COLEC12: variants seen among roughly 807,000 people sequenced by gnomAD.
COLEC12 encodes collectin subfamily member 12, also known as collectin-12.
A neutral mutation model predicts 71.1 loss-of-function variants in COLEC12; 33 were observed. That is an observed-to-expected ratio of 0.46 (90% CI 0.35 to 0.62). COLEC12 has a LOEUF of 0.62. COLEC12 is among the 20% of genes least tolerant of loss of function. The pLI, the probability that COLEC12 is intolerant of heterozygous loss-of-function variation, is 0.00. For missense variants in COLEC12, 765 were observed against 916.1 expected, an observed-to-expected ratio of 0.84 and a Z score of 2.13; for synonymous variants, 350 against 353.0, an observed-to-expected ratio of 0.99 and a Z score of 0.10.
At chr18:396,361 C>A (rs1915571731) in intron 2 of COLEC12, among the ~76,000 whole-genome samples, 1 of 152,236 alleles carries the variant, frequency 6.6e-6, no homozygotes, top group South Asian at 2.1e-4. Flanking sequence ...AACATTTTCA[C>A]ATCAGCTCCT....
chr18:432,765 A>AC (rs1364564946), intron 2 of COLEC12, among the ~76,000 whole-genome samples: 1 of 151,974 alleles, frequency 6.6e-6, no homozygotes, highest in Non-Finnish European at 1.5e-5. Context: ...CCTTCCTTGC[A>AC]CCCCTTCACA....
intron 2 of COLEC12, among the ~76,000 whole-genome samples, chr18:381,397 T>C (rs967063080): frequency 7.2e-5 from 11 of 152,232 alleles, no homozygotes; most frequent in African/African-American, 2.4e-4. Flanking sequence ...TTACCATGAT[T>C]TGATCATTAT....
chr18:445,893 A>C (rs754008732), intron 2 of COLEC12, among the ~76,000 whole-genome samples: 5 of 152,052 alleles, frequency 3.3e-5, no homozygotes, highest in Non-Finnish European at 5.9e-5. Flanking sequence ...CAGCCTCCCA[A>C]AGTGTAGGGA....
intron 3 of COLEC12, among the ~76,000 whole-genome samples, chr18:356,732 C>T (rs529029775): frequency 1.3e-5 from 2 of 152,290 alleles, no homozygotes; most frequent in Admixed American, 1.3e-4. Context: ...CACCTTCTAC[C>T]TATGGTCTCT....
chr18:496,982 T>C (rs753539600), intron 1 of COLEC12, among the ~76,000 whole-genome samples: 37 of 152,246 alleles, frequency 2.4e-4, no homozygotes, highest in Non-Finnish European at 4.8e-4. Flanking sequence ...ATTGATGGTG[T>C]AGTACAGCTA....
Position 335,031 on chromosome 18 carries a change from G to A in COLEC12, c.1527C>T (p.Gly509=), listed in dbSNP as rs1914083833. 14 of 1,593,024 alleles carry A rather than the reference G, an allele frequency of 8.8e-6. No individual in the cohort carries two copies. The highest frequency in any genetic ancestry group is 1.2e-5 in the Non-Finnish European group (14 of 1,173,090). Residue 509 remains glycine, a synonymous_variant, in exon 6 of 10, where the codon GGC becomes GGT. Coordinates refer to ENST00000400256, the MANE Select transcript of COLEC12 (RefSeq NM_130386.3). The part of the protein sequence containing the change: ...KGSKGSQGPK[G]SRGSPGKPGP... Reference sequence around the variant, plus strand: ...CGGGCTTCCCAGGGGAACCACGGGAGCCTTTGGGGCCCTGGGAGCCTTTAG... The same window carrying A: ...CGGGCTTCCCAGGGGAACCACGGGAACCTTTGGGGCCCTGGGAGCCTTTAG...
chr18:331,005 G>A (rs182550022), intron 8 of COLEC12, among the ~76,000 whole-genome samples: 6 of 150,958 alleles, frequency 4.0e-5, no homozygotes, highest in Admixed American at 1.3e-4. Context: ...TCAGCCTCCC[G>A]AGTAGCTGGC....
Position 480,847 on chromosome 18 carries a change from G to T in COLEC12, c.8-90C>A. The T allele has an allele frequency of 9.3e-7, 1 of 1,080,214 alleles. No individual in the cohort carries two copies. The highest frequency in any genetic ancestry group is 1.4e-6 in the Non-Finnish European group (1 of 693,486). 66.9% of individuals were successfully genotyped at this position (1,080,214 alleles called of 1,614,324 possible). A position where few individuals can be genotyped will look rare whatever the true frequency, so the allele number is the denominator to read the frequency against. Reference sequence around the variant, plus strand: ...GGATGCGACCTGCTTCATCGCCCCTGCTTGTCACAGCAGCTTTCCTTCTGC... The same window carrying T: ...GGATGCGACCTGCTTCATCGCCCCTTCTTGTCACAGCAGCTTTCCTTCTGC... On this transcript the variant is annotated intron_variant, in intron 1 of 9. Coordinates refer to ENST00000400256, the MANE Select transcript of COLEC12 (RefSeq NM_130386.3). The surrounding 1 kb of genome is among the most constrained non-coding windows in gnomAD (Gnocchi z 4.1).
At chr18:380,676 T>C (rs1283182637) in intron 2 of COLEC12, among the ~76,000 whole-genome samples, 2 of 152,150 alleles carry the variant, frequency 1.3e-5, no homozygotes, top group African/African-American at 4.8e-5. Flanking sequence ...GGTGGGCCCC[T>C]GCCATGAAGT....
At chr18:356,967 G>T (rs1023579416) in intron 3 of COLEC12, among the ~76,000 whole-genome samples, 1 of 152,160 alleles carries the variant, frequency 6.6e-6, no homozygotes, top group East Asian at 1.9e-4. Flanking sequence ...GAATTAGTTG[G>T]CCGATCCCTG....
chr18:320,511 A>G (rs1913677806), intron 9 of COLEC12, among the ~76,000 whole-genome samples: 1 of 152,212 alleles, frequency 6.6e-6, no homozygotes, highest in African/African-American at 2.4e-5. Context: ...AATACGGATA[A>G]TTTATGCCCC....
intron 2 of COLEC12, among the ~76,000 whole-genome samples, chr18:398,470 T>C (rs1567896110): frequency 6.6e-6 from 1 of 152,190 alleles, no homozygotes; most frequent in Non-Finnish European, 1.5e-5. Flanking sequence ...GGCAAGGATT[T>C]TCTGGAGCTG....
intron 1 of COLEC12, among the ~76,000 whole-genome samples, chr18:486,342 G>A (rs1461083254): frequency 6.6e-6 from 1 of 152,082 alleles, no homozygotes; most frequent in African/African-American, 2.4e-5. Flanking sequence ...GCGCCATTAT[G>A]CCTGCCTAAT....
rs149841316 is a variant in COLEC12 at position 382,368 on chromosome 18, C to T, written c.59-24846G>A. Among the ~76,000 whole-genome samples, 334 of 152,272 alleles carry T rather than the reference C, an allele frequency of 2.2e-3. 2 individuals are homozygous for T. The highest frequency in any genetic ancestry group is 7.6e-3 in the African/African-American group (316 of 41,548). On this transcript the variant is annotated intron_variant, in intron 2 of 9. Coordinates refer to ENST00000400256, the MANE Select transcript of COLEC12 (RefSeq NM_130386.3). ...TTAGCTTCACAGATATGTGGTCTTA[C>T]TACTTTATATAGTAAATTTACTTGT...
intron 2 of COLEC12, among the ~76,000 whole-genome samples, chr18:473,179 G>C (rs1405915485): frequency 6.6e-6 from 1 of 151,940 alleles, no homozygotes; most frequent in African/African-American, 2.4e-5. Flanking sequence ...TTGCTTCCTG[G>C]GCACCACCTC....
Position 428,896 on chromosome 18 carries a change from C to T in COLEC12, c.58+51811G>A, listed in dbSNP as rs150248466. 1.8e-3 allele frequency among the ~76,000 whole-genome samples: 279 copies of T among 152,264 alleles called. 3 individuals carry two copies. The highest frequency in any genetic ancestry group is 2.5e-3 in the Non-Finnish European group (171 of 68,014). ...AACAAATCTAGCATTTACTAAGGAACACAAACACCGTAAAGGGGCTTTTAT... is the reference window on the plus strand; with the variant it reads ...AACAAATCTAGCATTTACTAAGGAATACAAACACCGTAAAGGGGCTTTTAT... On this transcript the variant is annotated intron_variant, in intron 2 of 9. Transcript: ENST00000400256.
chr18:442,645 C>A (rs914619964), intron 2 of COLEC12, among the ~76,000 whole-genome samples: 2 of 152,236 alleles, frequency 1.3e-5, no homozygotes, highest in African/African-American at 2.4e-5. Flanking sequence ...CTCTTCTGCA[C>A]AATCCTACAG....
At position 335,125 on chromosome 18, in the gene COLEC12, G is replaced by T. The variant is rs1473256816; in HGVS notation, c.1433C>A (p.Pro478His). The change falls in exon 6 of 10, where the codon CCT (proline) becomes CAT (histidine). Residue 478 changes from proline to histidine, a missense_variant. Pro to His is a moderately conservative substitution (Grantham distance 77). Coordinates refer to ENST00000400256, the MANE Select transcript of COLEC12 (RefSeq NM_130386.3). ...QKGEKGEPGP[P>H]GPAGERGPIG... Reference sequence around the variant, plus strand: ...TGGGCCTCTCTCACCCGCAGGGCCAGGTGGTCCAGGCTCCCCCTTCTCTCC... The same window carrying T: ...TGGGCCTCTCTCACCCGCAGGGCCATGTGGTCCAGGCTCCCCCTTCTCTCC... The T allele has an allele frequency of 6.2e-7, 1 of 1,613,000 alleles. No individual in the cohort carries two copies. The highest frequency in any genetic ancestry group is 1.7e-5 in the Admixed American group (1 of 59,924).
At chr18:356,180 T>C (rs1914625478) in intron 3 of COLEC12, among the ~76,000 whole-genome samples, 1 of 152,226 alleles carries the variant, frequency 6.6e-6, no homozygotes, top group Non-Finnish European at 1.5e-5. Flanking sequence ...AGATATGATT[T>C]CCTGGGACCA....
Sources: gnomAD v4.1 joint callset for allele counts (sites outside exome capture counted in the v4.1 genomes callset) on GRCh38, gnomAD v4.1.1 for gene constraint, Gnocchi (gnomAD v3.1) non-coding constraint, MANE v1.5 for transcripts, NCBI Gene and HGNC (gene_info 2026-07-23, HGNC 2026-07-21) for gene names.